Variants in FOXK1 observed in about 807,000 individuals in gnomAD.
FOXK1 encodes the protein forkhead box protein K1.
A neutral mutation model predicts 51.9 loss-of-function variants in FOXK1; 19 were observed. The observed-to-expected ratio is 0.37, with a 90% CI of 0.26 to 0.54. The LOEUF is 0.54. Ranked by LOEUF, FOXK1 falls within the 20% of genes least tolerant of loss-of-function variation. The pLI is 0.87. For missense variants in FOXK1, 870 were observed against 1,032.7 expected (o/e 0.84, Z 2.16); for synonymous variants, 537 against 482.6 (o/e 1.11, Z -1.48).
rs953308319 is a variant in FOXK1, at chr7:4,729,781, G to C, written c.561-11057G>C. On this transcript the variant is annotated intron_variant, in intron 1 of 8. Coordinates refer to ENST00000328914, the MANE Select transcript of FOXK1 (RefSeq NM_001037165.2). This position sits in a 1 kb window ranked among gnomAD's most constrained non-coding sequence, Gnocchi z 6.2. Reference sequence around the variant, plus strand: ...AAGGCAGGTGGATCACCTGAGCTCAGGAGTTTGAGACCAGCCTGGCCAACA... The same window carrying C: ...AAGGCAGGTGGATCACCTGAGCTCACGAGTTTGAGACCAGCCTGGCCAACA... 7.2e-5 allele frequency among the ~76,000 whole-genome samples: 11 copies of C among 152,200 alleles called. No homozygotes were observed. Among genetic ancestry groups the C allele is most frequent in the African/African-American group, 2.7e-4 (11 of 41,444 alleles).
At chr7:4,698,885 G>C (rs1779984721) in intron 1 of FOXK1, among the ~76,000 whole-genome samples, 1 of 151,856 alleles carries the variant, frequency 6.6e-6, no homozygotes, top group Non-Finnish European at 1.5e-5. Context: ...ATGGGGTCTT[G>C]CTGTGTTGCC....
Position 4,761,310 on chromosome 7 carries a change from C to G in FOXK1, c.1921+22C>G. 6.2e-7 allele frequency: 1 copy of G among 1,601,128 alleles called. No individual in the cohort carries two copies. On this transcript the variant is annotated intron_variant, in intron 8 of 8. Coordinates refer to ENST00000328914, the MANE Select transcript of FOXK1 (RefSeq NM_001037165.2). The surrounding 1 kb of genome is among the most constrained non-coding windows in gnomAD (Gnocchi z 6.2). ...TACGGTGAGGCCCTGGCCCTGTTCTCCATGCCACATCCCAAGCTCTGTGGC... is the reference window on the plus strand; with the variant it reads ...TACGGTGAGGCCCTGGCCCTGTTCTGCATGCCACATCCCAAGCTCTGTGGC...
At chr7:4,712,178 G>A (rs892651669) in intron 1 of FOXK1, among the ~76,000 whole-genome samples, 20 of 152,078 alleles carry the variant, frequency 1.3e-4, no homozygotes, top group Non-Finnish European at 2.8e-4. Context: ...TCCCTTCCCC[G>A]ATGGTCGCCT....
chr7:4,746,869 GCCTGTC>G (rs1422902322), intron 2 of FOXK1, among the ~76,000 whole-genome samples: 2 of 152,178 alleles, frequency 1.3e-5, no homozygotes, highest in Non-Finnish European at 2.9e-5. Context: ...TCCCTTGTCT[GCCTGTC>G]CCTGTCCCTG....
At position 4,734,538 on chromosome 7, in the gene FOXK1, G is replaced by A. The variant is rs1382918572; in HGVS notation, c.561-6300G>A. On this transcript the variant is annotated intron_variant, in intron 1 of 8. Coordinates refer to ENST00000328914, the MANE Select transcript of FOXK1 (RefSeq NM_001037165.2). This position sits in a 1 kb window ranked among gnomAD's most constrained non-coding sequence, Gnocchi z 5.2. ...GGGCATTCCCCAAGTGTCTGTTCTTGTGGAAGGGGAGGTGCCCCCCGGCCC... is the reference window on the plus strand; with the variant it reads ...GGGCATTCCCCAAGTGTCTGTTCTTATGGAAGGGGAGGTGCCCCCCGGCCC... 6.6e-6 allele frequency among the ~76,000 whole-genome samples: 1 copy of A among 152,214 alleles called. No individual in the cohort carries two copies. The highest frequency in any genetic ancestry group is 1.5e-5 in the Non-Finnish European group (1 of 68,044).
chr7:4,697,741 C>CTG (rs57978112), intron 1 of FOXK1, among the ~76,000 whole-genome samples: 3,489 of 135,580 alleles, frequency 0.026, 43 homozygotes, highest in African/African-American at 0.033. Flanking sequence ...GAAAGATAGG[C>CTG]TGTGTGTGTG....
rs958514720 is a variant in FOXK1, at chr7:4,747,256, G to A, written c.746+6233G>A. 6.6e-6 allele frequency among the ~76,000 whole-genome samples: 1 copy of A among 151,682 alleles called. No individual in the cohort carries two copies. The highest frequency in any genetic ancestry group is 1.5e-5 in the Non-Finnish European group (1 of 67,750). On this transcript the variant is annotated intron_variant, in intron 2 of 8. Coordinates refer to ENST00000328914, the MANE Select transcript of FOXK1 (RefSeq NM_001037165.2). The surrounding 1 kb of genome is among the most constrained non-coding windows in gnomAD (Gnocchi z 9.2). ...TCTGTGCGGGCATGTTACGCACGAG[G>A]ACAGCCCTTTCCGGGTTCCATGAGC... is the stretch of plus-strand genomic sequence containing the variant.
chr7:4,737,267 C>G (rs905661121), intron 1 of FOXK1, among the ~76,000 whole-genome samples: 1 of 152,240 alleles, frequency 6.6e-6, no homozygotes, highest in Non-Finnish European at 1.5e-5. Context: ...GAGGTCTCAA[C>G]TGTGCCCTTC....
At position 4,745,396 on chromosome 7, in the gene FOXK1, C is replaced by G. The variant is rs1402518057; in HGVS notation, c.746+4373C>G. Among the ~76,000 whole-genome samples the G allele has an allele frequency of 3.4e-5, 5 of 149,240 alleles. No homozygotes were observed. Among genetic ancestry groups the G allele is most frequent in the Admixed American group, 6.6e-5 (1 of 15,060 alleles). ...TGCCCCCGCCCCCCGCGCCACCCTG[C>G]GTCCTTCCTTTCCGTTTCTCGCAGG... On this transcript the variant is annotated intron_variant, in intron 2 of 8. Coordinates refer to ENST00000328914, the MANE Select transcript of FOXK1 (RefSeq NM_001037165.2). This position sits in a 1 kb window ranked among gnomAD's most constrained non-coding sequence, Gnocchi z 4.3.
At chr7:4,721,842 C>T (rs571486432) in intron 1 of FOXK1, among the ~76,000 whole-genome samples, 59 of 152,300 alleles carry the variant, frequency 3.9e-4, no homozygotes, top group South Asian at 1.2e-3. Flanking sequence ...CCTCCTGCCT[C>T]GGCCTCCCAA....
intron 1 of FOXK1, among the ~76,000 whole-genome samples, chr7:4,692,542 A>G (rs1409858139): frequency 1.3e-5 from 2 of 151,878 alleles, no homozygotes; most frequent in African/African-American, 4.8e-5. Flanking sequence ...ATAAACAGGC[A>G]TGTGCCACCA....
chr7:4,740,785 C>T lies in FOXK1; in HGVS notation c.561-53C>T, dbSNP rs554799631. On this transcript the variant is annotated intron_variant, in intron 1 of 8. Coordinates refer to ENST00000328914, the MANE Select transcript of FOXK1 (RefSeq NM_001037165.2). ...GACACGCACCTTCCCTGGGTGTTGG[C>T]GTCTTCTTGAGTCTCCTCCTGCACC... The T allele has an allele frequency of 3.8e-5, 59 of 1,536,926 alleles. No homozygotes were observed. In the Middle Eastern group the frequency reaches 5.1e-4, roughly 13 times the overall value.
intron 1 of FOXK1, among the ~76,000 whole-genome samples, chr7:4,714,891 G>A (rs929311769): frequency 5.9e-5 from 9 of 152,248 alleles, no homozygotes; most frequent in East Asian, 1.9e-4. Flanking sequence ...AGAGAGCTGC[G>A]ATGAGCATCA....
intron 1 of FOXK1, among the ~76,000 whole-genome samples, chr7:4,688,625 G>C (rs1244660514): frequency 6.6e-6 from 1 of 152,072 alleles, no homozygotes; most frequent in African/African-American, 2.4e-5. Context: ...TGTCTCCAGT[G>C]ATCTGCCCGC....
chr7:4,759,696 G>A (rs1780906597), intron 7 of FOXK1, 101 bp downstream of exon 7: 13 of 1,345,664 alleles, frequency 9.7e-6, no homozygotes, highest in Non-Finnish European at 1.3e-5. Context: ...GGGGCTTGAG[G>A]AGGATGATTC....
At chr7:4,692,149 C>T (rs959820118) in intron 1 of FOXK1, among the ~76,000 whole-genome samples, 2 of 152,014 alleles carry the variant, frequency 1.3e-5, no homozygotes, top group African/African-American at 4.8e-5. Flanking sequence ...TATATACCCC[C>T]ACCCCAAGAA....
rs1779776486 is a variant in FOXK1 at position 4,683,252 on chromosome 7, A to G, written c.560+384A>G. On this transcript the variant is annotated intron_variant, in intron 1 of 8. Coordinates refer to ENST00000328914, the MANE Select transcript of FOXK1 (RefSeq NM_001037165.2). The surrounding 1 kb of genome is among the most constrained non-coding windows in gnomAD (Gnocchi z 4.5). The stretch of plus-strand genomic sequence containing the variant: ...GGCTCCTGGAGCCACCCATACCCCA[A>G]GCCCATCTGGCTGGGCCTCTTAGAC... Among the ~76,000 whole-genome samples, 2 of 147,426 alleles carry G rather than the reference A, an allele frequency of 1.4e-5. No individual in the cohort carries two copies. Among genetic ancestry groups the G allele is most frequent in the Non-Finnish European group, 1.5e-5 (1 of 66,840 alleles).
intron 1 of FOXK1, among the ~76,000 whole-genome samples, chr7:4,738,436 CAA>C (rs763097060): frequency 0.056 from 5,541 of 99,106 alleles, 169 homozygotes; most frequent in Middle Eastern, 0.14. Context: ...GACTCCGTCT[CAA>C]AAAAAAAAAA....
chr7:4,704,464 AAAAAG>A (rs1321850337), intron 1 of FOXK1, among the ~76,000 whole-genome samples: 3 of 151,566 alleles, frequency 2.0e-5, no homozygotes, highest in African/African-American at 2.4e-5. Flanking sequence ...AAAAAAAAAA[AAAAAG>A]AAAAGAAAAG....
Sources: gnomAD v4.1 joint callset for allele counts (sites outside exome capture counted in the v4.1 genomes callset) on GRCh38, gnomAD v4.1.1 for gene constraint, Gnocchi (gnomAD v3.1) non-coding constraint, MANE v1.5 for transcripts, NCBI Gene and HGNC (gene_info 2026-07-23, HGNC 2026-07-21) for gene names.